RIMS2: variants seen among roughly 807,000 people sequenced by gnomAD.
RIMS2 encodes the protein regulating synaptic membrane exocytosis protein 2.
RIMS2 carries 59 observed loss-of-function variants against 174.4 expected under a neutral mutation model. The observed-to-expected ratio is 0.34, with a 90% CI of 0.27 to 0.42. RIMS2 has a LOEUF of 0.42. Ranked by LOEUF, RIMS2 falls within the 10% of genes least tolerant of loss-of-function variation. The pLI is 1.00. For missense variants in RIMS2, 1,620 were observed against 1,666.3 expected, an observed-to-expected ratio of 0.97 and a Z score of 0.48; for synonymous variants, 606 against 572.5, an observed-to-expected ratio of 1.06 and a Z score of -0.84.
rs375909203 is a variant in RIMS2, at chr8:104,041,373, C to CT, written c.3334+26765dup. ...AAGATATGCAGGTCTGTCTCTTCTG[C>CT]TTTTTTTGTTATTATTTTATTTATC... On this transcript the variant is annotated intron_variant, in intron 19 of 23. Coordinates refer to ENST00000504942, the Ensembl canonical transcript of RIMS2. 1.7e-4 allele frequency: 114 copies of CT among 685,666 alleles called. No individual in the cohort carries two copies. The African/African-American group carries it at 1.8e-3, about 11-fold the overall frequency. 42.5% of individuals were successfully genotyped at this position (685,666 alleles called of 1,614,324 possible). A position where few individuals can be genotyped will look rare whatever the true frequency, so the allele number is the denominator to read the frequency against.
At chr8:104,083,402 C>G in intron 19 of RIMS2, among the ~76,000 whole-genome samples, 1 of 152,200 alleles carries the variant, frequency 6.6e-6, no homozygotes, top group East Asian at 1.9e-4. Context: ...TGTCTTATTT[C>G]TGTTGCAACT....
chr8:104,141,578 G>A (rs1031993594), intron 19 of RIMS2, among the ~76,000 whole-genome samples: 1 of 152,212 alleles, frequency 6.6e-6, no homozygotes, highest in Non-Finnish European at 1.5e-5. Context: ...CAGCTCTGAT[G>A]TAATATCTGA....
At chr8:104,198,758 C>CTT (rs1164173190) in intron 19 of RIMS2, among the ~76,000 whole-genome samples, 5 of 152,174 alleles carry the variant, frequency 3.3e-5, no homozygotes, top group African/African-American at 1.2e-4. Context: ...GTATCCCAGC[C>CTT]TTTTAGGTCC....
At chr8:104,048,095 A>G (rs889892146) in intron 19 of RIMS2, among the ~76,000 whole-genome samples, 28 of 152,194 alleles carry the variant, frequency 1.8e-4, no homozygotes, top group Non-Finnish European at 3.1e-4. Context: ...AAGAGGAAGA[A>G]TCCTGAGTAC....
At chr8:104,125,396 G>A (rs2098420341) in intron 19 of RIMS2, among the ~76,000 whole-genome samples, 1 of 151,988 alleles carries the variant, frequency 6.6e-6, no homozygotes, top group Non-Finnish European at 1.5e-5. Flanking sequence ...TCTTTAATCT[G>A]GATAATCATA....
intron 1 of RIMS2, among the ~76,000 whole-genome samples, chr8:103,512,559 T>C (rs1344267807): frequency 6.6e-6 from 1 of 152,016 alleles, no homozygotes; most frequent in Non-Finnish European, 1.5e-5. Context: ...CTCTTAAAAT[T>C]TCCTCTCAGA....
At chr8:103,783,849 T>G (rs1306487637) in intron 3 of RIMS2, among the ~76,000 whole-genome samples, 1 of 151,832 alleles carries the variant, frequency 6.6e-6, no homozygotes, top group East Asian at 1.9e-4. Flanking sequence ...CCACACTGAC[T>G]TCCACAATGG....
chr8:104,046,752 G>A (rs1279822709), intron 19 of RIMS2, among the ~76,000 whole-genome samples: 1 of 151,866 alleles, frequency 6.6e-6, no homozygotes, highest in South Asian at 2.1e-4. Flanking sequence ...TACTCATGAT[G>A]GCTCAGTCAT....
At position 103,833,084 on chromosome 8, in the gene RIMS2, G is replaced by A. The variant is rs145059683; in HGVS notation, c.699-52214G>A. ...ATTTACCTGAAAAAATCTTTTCTTA[G>A]TCTTCATTCTTTGTGAATATTTTTG... On this transcript the variant is annotated intron_variant, in intron 3 of 23. Transcript: ENST00000504942. Among the ~76,000 whole-genome samples, 341 of 152,126 alleles carry A rather than the reference G, an allele frequency of 2.2e-3. 1 individual carries two copies. Among genetic ancestry groups the A allele is most frequent in the African/African-American group, 7.8e-3 (324 of 41,516 alleles).
intron 1 of RIMS2, among the ~76,000 whole-genome samples, chr8:103,599,257 T>A (rs1034084240): frequency 4.6e-5 from 7 of 151,662 alleles, no homozygotes; most frequent in African/African-American, 1.7e-4. Context: ...ATACTGTTTT[T>A]ATTCTCCGTT....
intron 19 of RIMS2, among the ~76,000 whole-genome samples, chr8:104,085,260 A>G (rs1332040668): frequency 6.6e-6 from 1 of 152,236 alleles, no homozygotes; most frequent in African/African-American, 2.4e-5. Context: ...AGAGTAAGAC[A>G]TTCATCCCCA....
intron 1 of RIMS2, among the ~76,000 whole-genome samples, chr8:103,597,675 AC>A (rs1294762504): frequency 6.6e-6 from 1 of 151,994 alleles, no homozygotes; most frequent in Non-Finnish European, 1.5e-5. Flanking sequence ...TGACTAAACA[AC>A]CTGCCTTTCT....
intron 17 of RIMS2, among the ~76,000 whole-genome samples, chr8:104,001,792 C>T (rs1324809272): frequency 6.6e-6 from 1 of 151,998 alleles, no homozygotes. Context: ...GTATTTATTT[C>T]TGTAATGTTT....
At chr8:103,946,789 T>G (rs1391834507) in intron 14 of RIMS2, among the ~76,000 whole-genome samples, 2 of 152,172 alleles carry the variant, frequency 1.3e-5, no homozygotes, top group East Asian at 3.9e-4. Context: ...TGCAAAAGTA[T>G]AAGATCCAGA....
intron 3 of RIMS2, among the ~76,000 whole-genome samples, chr8:103,795,385 A>G (rs1267312785): frequency 6.6e-6 from 1 of 150,674 alleles, no homozygotes; most frequent in East Asian, 2.0e-4. Flanking sequence ...ATGAGCAATG[A>G]GAACACCTGG....
chr8:103,584,898 G>T, intron 1 of RIMS2, among the ~76,000 whole-genome samples: 1 of 128,540 alleles, frequency 7.8e-6, no homozygotes, highest in Middle Eastern at 3.6e-3. Context: ...TAATAACATT[G>T]AATGTAAATG....
intron 16 of RIMS2, among the ~76,000 whole-genome samples, chr8:103,981,152 T>A (rs1596320839): frequency 6.6e-6 from 1 of 152,162 alleles, no homozygotes; most frequent in East Asian, 1.9e-4. Context: ...TGGCTTCAGG[T>A]CTGACCCTGT....
chr8:103,959,431 T>C (rs2088989818), intron 14 of RIMS2, among the ~76,000 whole-genome samples: 1 of 152,066 alleles, frequency 6.6e-6, no homozygotes, highest in Non-Finnish European at 1.5e-5. Context: ...AAAAGTAATT[T>C]TTTTTTTTTG....
intron 2 of RIMS2, among the ~76,000 whole-genome samples, chr8:103,706,624 C>A (rs1404854798): frequency 6.6e-6 from 1 of 152,116 alleles, no homozygotes; most frequent in African/African-American, 2.4e-5. Flanking sequence ...CTCACTTCCT[C>A]TTGGCTGCTA....
Sources: allele counts gnomAD v4.1 joint callset (sites outside exome capture counted in the v4.1 genomes callset), GRCh38; gene constraint gnomAD v4.1.1; transcripts MANE v1.5; gene names NCBI Gene and HGNC (gene_info 2026-07-23, HGNC 2026-07-21).